Variants in PVRIG observed in about 807,000 individuals in gnomAD.
The protein encoded by PVRIG is PVR related immunoglobulin domain containing.
In PVRIG, 16 loss-of-function variants were observed where a neutral mutation model predicts 21.9. That is an observed-to-expected ratio of 0.73 (90% confidence interval 0.50 to 1.11). The LOEUF is 1.11. PVRIG is among the 50% of genes most tolerant of loss of function. The pLI is 0.00. For missense variants in PVRIG, 435 were observed against 445.7 expected (o/e 0.98, Z 0.22); for synonymous variants, 190 against 181.0 (o/e 1.05, Z -0.40).
Position 100,220,082 on chromosome 7 carries a change from A to G in PVRIG, c.119-32A>G, listed in dbSNP as rs183060184. The G allele has an allele frequency of 4.5e-4, 728 of 1,603,556 alleles. 1 individual carries two copies. In the African/African-American group the frequency reaches 7.4e-3, roughly 16 times the overall value. ...GGCTGCAGGGAGGGTGATGTAGGAC[A>G]ACAGCCCACCGACCTTGCTGCTGTT... On this transcript the variant is annotated intron_variant, in intron 2 of 5. Coordinates refer to ENST00000317271, the Ensembl canonical transcript of PVRIG.
rs761744825 is a variant in PVRIG, at chr7:100,220,793, C to G, written c.630C>G (p.Ser210Arg). Residue 210 changes from serine to arginine, a missense_variant, in exon 5 of 6, where the codon AGC becomes AGG. Physicochemically the swap from Ser to Arg is moderately radical, Grantham distance 110. Coordinates refer to ENST00000317271, the Ensembl canonical transcript of PVRIG. The stretch of plus-strand genomic sequence containing the variant: ...CTAGGCTCCAGCCGTCCCGCACCAG[C>G]CCCCAGGCACCGAGAGCACGAGCAT... 6.2e-7 allele frequency: 1 copy of G among 1,605,850 alleles called. No individual in the cohort carries two copies. Among genetic ancestry groups the G allele is most frequent in the East Asian group, 2.2e-5 (1 of 44,872 alleles).
chr7:100,220,496 G>C (rs1208607543), intron 3 of PVRIG, 32 bp downstream of exon 2: 5 of 1,611,858 alleles, frequency 3.1e-6, no homozygotes, highest in Non-Finnish European at 4.2e-6. Context: ...CAGGAGGGCA[G>C]GGAGGGGCTC....
Position 100,221,017 on chromosome 7 carries a change from C to T in PVRIG, c.747C>T (p.His249=), listed in dbSNP as rs776712033. 2.3e-5 allele frequency: 37 copies of T among 1,611,878 alleles called. No homozygotes were observed. In the Middle Eastern group the frequency reaches 5.0e-4, roughly 22 times the overall value. Residue 249 remains histidine, a synonymous_variant, in exon 6 of 6, where the codon CAC becomes CAT. Transcript: ENST00000317271. The stretch of plus-strand genomic sequence containing the variant: ...GCCCAGCTACTTTGGACACAGCTCA[C>T]CCCCATGGGGGGCCGTCCTGGTGGG...
At chr7:100,220,795 C>G in exon 5 of PVRIG, 1 of 1,606,190 alleles carries the variant, frequency 6.2e-7, no homozygotes, top group Non-Finnish European at 8.5e-7. Context: ...CGCACCAGCC[C>G]CCAGGCACCG....
chr7:100,220,658 G>A lies in PVRIG; in HGVS notation c.581G>A (p.Arg194His), dbSNP rs781594839. ...TGTGTCTACCTCCTTCATCTGCTGC[G>A]CCGACATAAGCACCGGTGAGACCTG... The change falls in exon 4 of 6, where the codon CGC becomes CAC. Residue 194 changes from arginine to histidine, a missense_variant. By Grantham distance (29) the Arg-to-His change is conservative. Transcript: ENST00000317271. The A allele has an allele frequency of 3.2e-5, 51 of 1,611,020 alleles. No homozygotes were observed. Among genetic ancestry groups the A allele is most frequent in the South Asian group, 5.5e-5 (5 of 90,996 alleles).
At chr7:100,219,803 C>T in exon 2 of PVRIG, 1 of 865,354 alleles carries the variant, frequency 1.2e-6, no homozygotes. Context: ...CCCTCACTGT[C>T]ACTTTAAGAA....
Position 100,220,657 on chromosome 7 carries a change from C to T in PVRIG, c.580C>T (p.Arg194Cys), listed in dbSNP as rs571595723. 33 of 1,611,234 alleles carry T rather than the reference C, an allele frequency of 2.0e-5. No individual in the cohort carries two copies. Among genetic ancestry groups the T allele is most frequent in the East Asian group, 1.6e-4 (7 of 44,880 alleles). ...CTGTGTCTACCTCCTTCATCTGCTG[C>T]GCCGACATAAGCACCGGTGAGACCT... Residue 194 changes from arginine to cysteine, a missense_variant, in exon 4 of 6, where the codon CGC (arginine) becomes TGC (cysteine). Transcript: ENST00000317271.
rs771112630 is a variant in PVRIG at position 100,220,448 on chromosome 7, G to A, written c.453G>A (p.Pro151=). ...CCTGGGAGGCCTGTGGGAGCCTCCCGCCCAGCTCAGACCCAGGTGGGGCCG... is the reference window on the plus strand; with the variant it reads ...CCTGGGAGGCCTGTGGGAGCCTCCCACCCAGCTCAGACCCAGGTGGGGCCG... Residue 151 remains proline, a synonymous_variant, in exon 3 of 6, where the codon CCG becomes CCA. Transcript: ENST00000317271. 4.3e-5 allele frequency: 69 copies of A among 1,609,584 alleles called. No individual in the cohort carries two copies. The Middle Eastern group carries it at 1.6e-3, about 37-fold the overall frequency.
chr7:100,220,465 G>C lies in PVRIG; in HGVS notation c.469+1G>C. ...AGCCTCCCGCCCAGCTCAGACCCAG[G>C]TGGGGCCGGGGCGAGGGGTCCAGGA... On this transcript the variant is annotated splice_donor_variant, in intron 3 of 5. Coordinates refer to ENST00000317271, the Ensembl canonical transcript of PVRIG. LOFTEE classifies it high-confidence loss of function. The C allele has an allele frequency of 6.2e-7, 1 of 1,611,776 alleles. No individual in the cohort carries two copies. Among genetic ancestry groups the C allele is most frequent in the Non-Finnish European group, 8.5e-7 (1 of 1,179,180 alleles).
chr7:100,220,875 C>T, intron 5 of PVRIG, 53 bp from the exon 5 acceptor site: 1 of 1,598,398 alleles, frequency 6.3e-7, no homozygotes, highest in Non-Finnish European at 8.5e-7. Context: ...GCAGGGGGGC[C>T]AGGGCTGGGC....
At chr7:100,220,882 G>A (rs1489947030) in intron 5 of PVRIG, 46 bp from the exon 5 acceptor site, 2 of 1,595,140 alleles carry the variant, frequency 1.3e-6, no homozygotes, top group East Asian at 2.2e-5. Context: ...GGCCAGGGCT[G>A]GGCCCAAGCT....
At chr7:100,221,485 GTCGGCC>G (rs1334517735) in exon 6 of PVRIG, 2 of 447,972 alleles carry the variant, frequency 4.5e-6, no homozygotes, top group African/African-American at 4.0e-5. Flanking sequence ...TTTCTCTGAT[GTCGGCC>G]TCGGCTGTGC....
At chr7:100,221,194 T>C (rs764719152) in exon 6 of PVRIG, 32 of 1,610,172 alleles carry the variant, frequency 2.0e-5, no homozygotes, top group Non-Finnish European at 2.7e-5. Context: ...CCGGCCTCAC[T>C]CTTTTCCCTG....
At chr7:100,221,131 T>C (rs553733575) in exon 6 of PVRIG, 7 of 1,613,858 alleles carry the variant, frequency 4.3e-6, no homozygotes, top group Admixed American at 1.7e-5. Flanking sequence ...GCTTTGTCTC[T>C]GTTGAGAATG....
chr7:100,220,476 G>A lies in PVRIG; in HGVS notation c.469+12G>A. ...CAGCTCAGACCCAGGTGGGGCCGGG[G>A]CGAGGGGTCCAGGAGGGCAGGGAGG... is the stretch of plus-strand genomic sequence containing the variant. On this transcript the variant is annotated intron_variant, in intron 3 of 5. Coordinates refer to ENST00000317271, the Ensembl canonical transcript of PVRIG. The A allele has an allele frequency of 3.1e-6, 5 of 1,612,304 alleles. No individual in the cohort carries two copies. Among genetic ancestry groups the A allele is most frequent in the Middle Eastern group, 1.8e-4 (1 of 5,620 alleles).
exon 2 of PVRIG, chr7:100,219,829 T>C: frequency 8.9e-7 from 1 of 1,122,106 alleles, no homozygotes. Flanking sequence ...TCAGCCACTT[T>C]GTGCTCACCA....
chr7:100,221,026 G>A, exon 6 of PVRIG: 2 of 1,612,554 alleles, frequency 1.2e-6, no homozygotes, highest in South Asian at 2.2e-5. Flanking sequence ...ACCCCCATGG[G>A]GGGCCGTCCT....
Position 100,221,016 on chromosome 7 carries a change from A to AC in PVRIG, c.751dup (p.His251ProfsTer39), listed in dbSNP as rs769179429. 6.2e-7 allele frequency: 1 copy of AC among 1,610,498 alleles called. No homozygotes were observed. Among genetic ancestry groups the AC allele is most frequent in the African/African-American group, 1.3e-5 (1 of 74,482 alleles). ...CGCCCAGCTACTTTGGACACAGCTC[A>AC]CCCCCATGGGGGGCCGTCCTGGTGG... is the stretch of plus-strand genomic sequence containing the variant. On this transcript the variant is annotated frameshift_variant, in exon 6 of 6. Coordinates refer to ENST00000317271, the Ensembl canonical transcript of PVRIG. LOFTEE classifies it low-confidence loss of function (END_TRUNC).
At chr7:100,219,608 G>A (rs112802954) in intron 1 of PVRIG, 105 of 481,610 alleles carry the variant, frequency 2.2e-4, no homozygotes, top group African/African-American at 1.3e-3. Context: ...GGTGAGGGGC[G>A]GGACAGAGCC....
Sources: gnomAD v4.1 joint callset for allele counts on GRCh38, gnomAD v4.1.1 for gene constraint, MANE v1.5 for transcripts, NCBI Gene and HGNC (gene_info 2026-07-23, HGNC 2026-07-21) for gene names.